The following SEMA3E variants were observed in gnomAD, a reference collection of about 807,000 sequenced individuals.
SEMA3E encodes semaphorin 3E.
SEMA3E carries 49 observed loss-of-function variants against 93.6 expected under a neutral mutation model. That is an observed-to-expected ratio of 0.52 (90% CI 0.42 to 0.66). The LOEUF is 0.66. Among genes scored for constraint, SEMA3E ranks in the 30% least tolerant of loss-of-function variants. The pLI is 0.00. For missense variants in SEMA3E, 906 were observed against 964.8 expected (o/e 0.94, Z 0.81); for synonymous variants, 363 against 330.7 (o/e 1.10, Z -1.06).
chr7:83,495,632 GA>G (rs1040816854), intron 1 of SEMA3E, among the ~76,000 whole-genome samples: 5 of 151,652 alleles, frequency 3.3e-5, no homozygotes, highest in East Asian at 1.9e-4. Flanking sequence ...TTAATATGTT[GA>G]AAAAAACTAT....
chr7:83,399,221 T>C (rs561051293), intron 11 of SEMA3E, among the ~76,000 whole-genome samples: 7 of 152,300 alleles, frequency 4.6e-5, no homozygotes, highest in African/African-American at 1.7e-4. Flanking sequence ...TTAAACACTT[T>C]AAAAATGACT....
At chr7:83,554,179 G>T (rs1791833336) in intron 1 of SEMA3E, among the ~76,000 whole-genome samples, 1 of 152,150 alleles carries the variant, frequency 6.6e-6, no homozygotes, top group Non-Finnish European at 1.5e-5. Context: ...CATGTACATT[G>T]TACATGGATT....
At chr7:83,637,430 A>G (rs1365613441) in intron 1 of SEMA3E, among the ~76,000 whole-genome samples, 1 of 152,166 alleles carries the variant, frequency 6.6e-6, no homozygotes, top group African/African-American at 2.4e-5. Flanking sequence ...TAAAAATTAT[A>G]GGCTCTTTTA....
At chr7:83,424,656 AAT>A (rs1370754931) in intron 4 of SEMA3E, among the ~76,000 whole-genome samples, 5 of 152,328 alleles carry the variant, frequency 3.3e-5, no homozygotes, top group African/African-American at 1.2e-4. Context: ...GGAACCTGTG[AAT>A]ATGTTACCTT....
At chr7:83,547,314 C>T (rs761096385) in intron 1 of SEMA3E, among the ~76,000 whole-genome samples, 3 of 152,090 alleles carry the variant, frequency 2.0e-5, no homozygotes, top group Admixed American at 6.6e-5. Flanking sequence ...AAATACCACA[C>T]AAGTCTAACA....
intron 1 of SEMA3E, among the ~76,000 whole-genome samples, chr7:83,515,658 A>C (rs1024176919): frequency 6.6e-6 from 1 of 152,218 alleles, no homozygotes; most frequent in Non-Finnish European, 1.5e-5. Flanking sequence ...TCACCTCAGC[A>C]ATGGGGAAGA....
intron 1 of SEMA3E, among the ~76,000 whole-genome samples, chr7:83,538,660 ATATTT>A (rs900271537): frequency 4.2e-4 from 64 of 152,292 alleles, no homozygotes; most frequent in African/African-American, 1.5e-3. Flanking sequence ...TAGCTGAAAC[ATATTT>A]TATGATTTCA....
intron 4 of SEMA3E, among the ~76,000 whole-genome samples, chr7:83,436,228 A>T (rs888111950): frequency 1.3e-5 from 2 of 151,874 alleles, no homozygotes; most frequent in Admixed American, 1.3e-4. Context: ...TGTTAAAGAT[A>T]TACAACACAA....
At chr7:83,487,450 T>A (rs1306247181) in intron 2 of SEMA3E, among the ~76,000 whole-genome samples, 1 of 152,094 alleles carries the variant, frequency 6.6e-6, no homozygotes, top group Non-Finnish European at 1.5e-5. Context: ...TATTCACATA[T>A]TAACAATTTT....
rs1794619453 is a variant in SEMA3E at position 83,363,779 on chromosome 7, C to T, written c.*3807G>A. ...CTTCTTATTATAAATGTTGCATTTT[C>T]TCTTGGAATCCAAATATCTATACAA... On this transcript the variant is annotated 3_prime_UTR_variant, in exon 17 of 17. Coordinates refer to ENST00000643230, the MANE Select transcript of SEMA3E (RefSeq NM_012431.3). The T allele has an allele frequency of 6.8e-6, 1 of 147,272 alleles. No homozygotes were observed. Among genetic ancestry groups the T allele is most frequent in the African/African-American group, 2.5e-5 (1 of 39,558 alleles). 9.1% of individuals were successfully genotyped at this position (147,272 alleles called of 1,614,324 possible). A position where few individuals can be genotyped will look rare whatever the true frequency, so the allele number is the denominator to read the frequency against.
intron 1 of SEMA3E, among the ~76,000 whole-genome samples, chr7:83,543,750 C>A (rs898246358): frequency 6.6e-6 from 1 of 151,936 alleles, no homozygotes; most frequent in Non-Finnish European, 1.5e-5. Flanking sequence ...CTATATTGCT[C>A]GTTCTGCATG....
intron 1 of SEMA3E, among the ~76,000 whole-genome samples, chr7:83,609,573 C>T (rs767608294): frequency 2.6e-5 from 4 of 151,802 alleles, no homozygotes; most frequent in Non-Finnish European, 4.4e-5. Flanking sequence ...AATTATGCTA[C>T]CCTATTAATC....
At chr7:83,606,974 T>C (rs919243897) in intron 1 of SEMA3E, among the ~76,000 whole-genome samples, 1 of 152,172 alleles carries the variant, frequency 6.6e-6, no homozygotes, top group Non-Finnish European at 1.5e-5. Flanking sequence ...TAAAGTATAA[T>C]GTAGGGAATG....
chr7:83,428,757 T>C (rs779452686), intron 4 of SEMA3E, among the ~76,000 whole-genome samples: 11 of 152,202 alleles, frequency 7.2e-5, no homozygotes, highest in Admixed American at 2.0e-4. Context: ...TTTTTTTCTC[T>C]AAAAAAGTAA....
At chr7:83,632,976 C>T (rs1336808428) in intron 1 of SEMA3E, among the ~76,000 whole-genome samples, 1 of 152,008 alleles carries the variant, frequency 6.6e-6, no homozygotes, top group Non-Finnish European at 1.5e-5. Context: ...AAAATTCCTA[C>T]CCTCAATAAA....
intron 1 of SEMA3E, among the ~76,000 whole-genome samples, chr7:83,580,046 T>C (rs754610946): frequency 6.6e-6 from 1 of 152,050 alleles, no homozygotes; most frequent in African/African-American, 2.4e-5. Flanking sequence ...TAATTTTATG[T>C]GTCAATTCCA....
chr7:83,521,905 A>G (rs904881887), intron 1 of SEMA3E, among the ~76,000 whole-genome samples: 1 of 152,160 alleles, frequency 6.6e-6, no homozygotes, highest in Non-Finnish European at 1.5e-5. Flanking sequence ...GACTCAACTC[A>G]GTTCATTGTA....
intron 2 of SEMA3E, among the ~76,000 whole-genome samples, chr7:83,479,165 G>A (rs568667525): frequency 7.2e-5 from 11 of 152,152 alleles, no homozygotes; most frequent in East Asian, 3.9e-4. Flanking sequence ...TACTTCAGCC[G>A]AAAACATCAG....
rs879810808 is a variant in SEMA3E, at chr7:83,605,650, G to A, written c.115+42778C>T. ...TCACCATGTTGGTTAGGCTGGTCTC[G>A]AACTCCTGACCTCAGGTGGTCCACC... On this transcript the variant is annotated intron_variant, in intron 1 of 16. Transcript: ENST00000643230. Among the ~76,000 whole-genome samples the A allele has an allele frequency of 6.6e-5, 10 of 152,080 alleles. No individual in the cohort carries two copies. In the South Asian group the frequency reaches 8.3e-4, roughly 13 times the overall value.
Sources: gnomAD v4.1 joint callset for allele counts (sites outside exome capture counted in the v4.1 genomes callset) on GRCh38, gnomAD v4.1.1 for gene constraint, MANE v1.5 for transcripts, NCBI Gene and HGNC (gene_info 2026-07-23, HGNC 2026-07-21) for gene names.